Variants in APLF observed in about 807,000 individuals in gnomAD.
APLF encodes aprataxin and PNK-like factor.
In APLF, 61 loss-of-function variants were observed where a neutral mutation model predicts 55.6. The ratio of observed to expected loss-of-function variants is 1.10; its 90% CI spans 0.89 to 1.36. APLF has a LOEUF of 1.36. APLF is among the 40% of genes most tolerant of loss of function. APLF has a pLI of 0.00. For synonymous variants in APLF, 207 were observed against 214.8 expected, an observed-to-expected ratio of 0.96 and a Z score of 0.32; for missense variants, 611 against 602.5, an observed-to-expected ratio of 1.01 and a Z score of -0.15.
intron 2 of APLF, among the ~76,000 whole-genome samples, chr2:68,502,402 T>C (rs1676749296): frequency 6.6e-6 from 1 of 152,154 alleles, no homozygotes; most frequent in Non-Finnish European, 1.5e-5. Context: ...TTATTTTTCA[T>C]ATTTCTTCTT....
intron 1 of APLF, among the ~76,000 whole-genome samples, chr2:68,485,157 C>T (rs559385755): frequency 1.3e-5 from 2 of 152,000 alleles, no homozygotes; most frequent in African/African-American, 4.8e-5. Context: ...ATCCCATACT[C>T]GGTTTTGTAC....
chr2:68,537,293 AT>A (rs11330196), intron 6 of APLF, among the ~76,000 whole-genome samples: 12,785 of 151,438 alleles, frequency 0.084, 605 homozygotes, highest in Middle Eastern at 0.12. Flanking sequence ...TTTTATTTGT[AT>A]TTTCTGGTTA....
In APLF at chr2:68,555,095, T is replaced by C. The variant is rs543338516; in HGVS notation, c.1286+9783T>C. On this transcript the variant is annotated intron_variant, in intron 8 of 9. Coordinates refer to ENST00000303795, the MANE Select transcript of APLF (RefSeq NM_173545.3). ...TATTCAACAAATGGTGCATGAATAA[T>C]TGGCAAGCCACATGTAGGAAAATGA... Among the ~76,000 whole-genome samples the C allele has an allele frequency of 7.0e-4, 107 of 152,170 alleles. 1 individual carries two copies. Among genetic ancestry groups the C allele is most frequent in the African/African-American group, 2.5e-3 (105 of 41,554 alleles).
chr2:68,532,577 A>G (rs1416550432), intron 6 of APLF, among the ~76,000 whole-genome samples: 1 of 152,194 alleles, frequency 6.6e-6, no homozygotes, highest in African/African-American at 2.4e-5. Flanking sequence ...CATTTTGGGT[A>G]TAATGAATTT....
intron 8 of APLF, among the ~76,000 whole-genome samples, chr2:68,550,235 A>G (rs115079975): frequency 0.025 from 3,854 of 151,976 alleles, 63 homozygotes; most frequent in South Asian, 0.043. Flanking sequence ...TACTTAGTCC[A>G]TTTACATTTT....
chr2:68,542,978 A>G (rs766762836), intron 7 of APLF, among the ~76,000 whole-genome samples: 10 of 152,220 alleles, frequency 6.6e-5, no homozygotes, highest in Non-Finnish European at 1.3e-4. Context: ...AGGAAGGGAA[A>G]TTCTGACACA....
At chr2:68,518,150 T>G (rs1393713561) in intron 5 of APLF, among the ~76,000 whole-genome samples, 1 of 126,136 alleles carries the variant, frequency 7.9e-6, no homozygotes, top group African/African-American at 3.0e-5. Context: ...TAATAATATA[T>G]TATTAATGTA....
At chr2:68,536,776 A>G (rs984979635) in intron 6 of APLF, among the ~76,000 whole-genome samples, 5 of 152,212 alleles carry the variant, frequency 3.3e-5, no homozygotes, top group African/African-American at 1.2e-4. Context: ...GCTTTATGCA[A>G]AATTTTCCGT....
At chr2:68,537,255 C>T (rs1162625212) in intron 6 of APLF, among the ~76,000 whole-genome samples, 3 of 151,166 alleles carry the variant, frequency 2.0e-5, no homozygotes, top group African/African-American at 2.4e-5. Context: ...GTTAAAGATT[C>T]AAATGAAAGC....
chr2:68,527,690 C>T (rs543890599), intron 6 of APLF, among the ~76,000 whole-genome samples: 29 of 149,230 alleles, frequency 1.9e-4, no homozygotes, highest in Non-Finnish European at 2.8e-4. Flanking sequence ...TTCTCACTGC[C>T]CAGACAGGGC....
rs1669812671 is a variant in APLF, at chr2:68,519,150, TAAAG to T, written c.622+5472_622+5475del. On this transcript the variant is annotated intron_variant, in intron 5 of 9. Transcript: ENST00000303795. ...TATAATTTGACATTTTATATATATA[TAAAG>T]ACTTGACCAAAAATTGGACCAATGT... Among the ~76,000 whole-genome samples the T allele has an allele frequency of 2.9e-5, 4 of 135,716 alleles. No individual in the cohort carries two copies. The South Asian group carries it at 8.5e-4, about 29-fold the overall frequency. The allele number at this position is 135,716 out of a possible 152,430, so 89.0% of individuals were successfully genotyped here. A position where few individuals can be genotyped will look rare whatever the true frequency, so the allele number is the denominator to read the frequency against.
In APLF at chr2:68,513,187, CAG is replaced by C. The variant is rs772168651; in HGVS notation, c.451_452del (p.Glu151AsnfsTer11). On this transcript the variant is annotated frameshift_variant, in exon 4 of 10. Coordinates refer to ENST00000303795, the MANE Select transcript of APLF (RefSeq NM_173545.3). LOFTEE classifies it high-confidence loss of function. ...GGTGCCTCACAACTGGAAGGAAGCA[CAG>C]AAATAGCCAAGACCCAGATGACTCC... 6.2e-7 allele frequency: 1 copy of C among 1,610,534 alleles called. No individual in the cohort carries two copies. The highest frequency in any genetic ancestry group is 1.3e-5 in the African/African-American group (1 of 74,690).
At chr2:68,518,141 A>G (rs896457808) in intron 5 of APLF, among the ~76,000 whole-genome samples, 2 of 125,010 alleles carry the variant, frequency 1.6e-5, no homozygotes, top group Non-Finnish European at 3.2e-5. Context: ...ATTAATATAT[A>G]ATAATATATT....
chr2:68,580,109 C>A lies in APLF; in HGVS notation c.*2087C>A. 1.1e-6 allele frequency: 1 copy of A among 941,782 alleles called. No individual in the cohort carries two copies. The highest frequency in any genetic ancestry group is 1.3e-6 in the Non-Finnish European group (1 of 790,088). 58.3% of individuals were successfully genotyped at this position (941,782 alleles called of 1,614,324 possible). On this transcript the variant is annotated 3_prime_UTR_variant, in exon 10 of 10. Transcript: ENST00000303795. ...TTTTAATGCAACTTTCATAATCATCCTGAAGACACTTTTGAGTATAACTAT... is the reference window on the plus strand; with the variant it reads ...TTTTAATGCAACTTTCATAATCATCATGAAGACACTTTTGAGTATAACTAT...
At chr2:68,516,097 TTTTG>T (rs1436800009) in intron 5 of APLF, among the ~76,000 whole-genome samples, 1 of 151,654 alleles carries the variant, frequency 6.6e-6, no homozygotes, top group Non-Finnish European at 1.5e-5. Context: ...TAACTTGATA[TTTTG>T]GAACCTTTGG....
intron 5 of APLF, among the ~76,000 whole-genome samples, chr2:68,517,515 AAT>A (rs1669652538): frequency 7.1e-6 from 1 of 141,464 alleles, no homozygotes; most frequent in Non-Finnish European, 1.5e-5. Context: ...ACTATATATT[AAT>A]ATATCAATAT....
At chr2:68,521,088 T>C (rs1281493414) in intron 5 of APLF, among the ~76,000 whole-genome samples, 1 of 151,830 alleles carries the variant, frequency 6.6e-6, no homozygotes, top group African/African-American at 2.4e-5. Flanking sequence ...GTTTGTTTGT[T>C]TTTTTGCAGC....
chr2:68,496,484 G>C (rs1676551340), intron 2 of APLF, among the ~76,000 whole-genome samples: 1 of 152,128 alleles, frequency 6.6e-6, no homozygotes, highest in South Asian at 2.1e-4. Context: ...TCCTGAAAAA[G>C]CTTTTTATTT....
chr2:68,571,232 A>C (rs539107799), intron 9 of APLF, among the ~76,000 whole-genome samples: 93 of 151,620 alleles, frequency 6.1e-4, no homozygotes, highest in Non-Finnish European at 9.7e-4. Context: ...AATTTTTTCC[A>C]ATTCTGTAGG....
Sources: allele counts gnomAD v4.1 joint callset (sites outside exome capture counted in the v4.1 genomes callset), GRCh38; gene constraint gnomAD v4.1.1; transcripts MANE v1.5; gene names NCBI Gene and HGNC (gene_info 2026-07-23, HGNC 2026-07-21).